The following RPRD1A variants were observed in gnomAD, a reference collection of about 807,000 sequenced individuals.
RPRD1A encodes regulation of nuclear pre-mRNA domain containing 1A.
Under a neutral mutation model 37.8 loss-of-function variants are expected in RPRD1A, and 9 were observed. That is an observed-to-expected ratio of 0.24 (90% confidence interval 0.14 to 0.42). RPRD1A has a LOEUF of 0.42. Among genes scored for constraint, RPRD1A ranks in the 10% least tolerant of loss-of-function variants. RPRD1A has a pLI of 1.00. For synonymous variants in RPRD1A, 138 were observed against 139.7 expected, an observed-to-expected ratio of 0.99 and a Z score of 0.08; for missense variants, 255 against 371.0, an observed-to-expected ratio of 0.69 and a Z score of 2.57.
chr18:36,007,247 C>G (rs1029337578), intron 6 of RPRD1A, among the ~76,000 whole-genome samples: 1 of 152,130 alleles, frequency 6.6e-6, no homozygotes, highest in Admixed American at 6.6e-5. Flanking sequence ...AAAATTCAGG[C>G]TTTCACATAT....
At chr18:36,048,782 C>T (rs979335303) in intron 1 of RPRD1A, among the ~76,000 whole-genome samples, 1 of 151,668 alleles carries the variant, frequency 6.6e-6, no homozygotes, top group East Asian at 1.9e-4. Context: ...CTAGCAAGTA[C>T]AATAGGGCAA....
Position 35,993,168 on chromosome 18 carries a change from T to G in RPRD1A, c.922A>C (p.Ile308Leu). The change falls in exon 7 of 7, where the codon ATC becomes CTC. Residue 308 changes from isoleucine to leucine, a missense_variant. Physicochemically the swap from Ile to Leu is conservative, Grantham distance 5. Around this residue, in one of 2 missense-constraint regions of RPRD1A, gnomAD observed 211 missense variants for 268.9 expected, o/e 0.78. Transcript: ENST00000399022. ...SHMHLPFAGD[I>L]YSED is the part of the protein sequence containing the mutation. ...CTGGTCCATCAATCTTCACTGTAGA[T>G]GTCTCCCGCAAAGGGCAGGTGCATG... 2 of 1,614,100 alleles carry G rather than the reference T, an allele frequency of 1.2e-6. No individual in the cohort carries two copies. The highest frequency in any genetic ancestry group is 1.7e-6 in the Non-Finnish European group (2 of 1,180,002).
intron 1 of RPRD1A, among the ~76,000 whole-genome samples, chr18:36,055,660 T>C (rs1181890762): frequency 6.7e-6 from 1 of 149,048 alleles, no homozygotes; most frequent in Non-Finnish European, 1.5e-5. Context: ...TCCAGAAATA[T>C]CAAAAAATTT....
intron 6 of RPRD1A, among the ~76,000 whole-genome samples, chr18:36,020,674 T>TA (rs1173963845): frequency 3.3e-5 from 5 of 151,774 alleles, no homozygotes. Flanking sequence ...TGCAAAAAAA[T>TA]AAAAAATTGG....
Position 36,020,436 on chromosome 18 carries a change from A to G in RPRD1A, c.789+6464T>C, listed in dbSNP as rs936882632. 3.3e-5 allele frequency among the ~76,000 whole-genome samples: 5 copies of G among 152,236 alleles called. No individual in the cohort carries two copies. In the South Asian group the frequency reaches 1.0e-3, roughly 32 times the overall value. ...GGAGAAAATGAATGGCCTTGGACAG[A>G]AGGCTTATAGATAATATTCAGAAAT... On this transcript the variant is annotated intron_variant, in intron 6 of 6. Transcript: ENST00000399022.
chr18:36,044,178 T>C (rs952626645), intron 1 of RPRD1A, among the ~76,000 whole-genome samples: 1 of 151,984 alleles, frequency 6.6e-6, no homozygotes, highest in Non-Finnish European at 1.5e-5. Context: ...GGTCTTGCTG[T>C]CTCAGGAGTG....
chr18:36,042,414 G>A (rs1912644539), intron 1 of RPRD1A, among the ~76,000 whole-genome samples: 1 of 152,136 alleles, frequency 6.6e-6, no homozygotes, highest in African/African-American at 2.4e-5. Context: ...AATACATTTT[G>A]GCCTAGACCT....
rs951364322 is a variant in RPRD1A at position 35,991,846 on chromosome 18, T to C, written c.*1305A>G. The C allele has an allele frequency of 2.0e-5, 3 of 152,242 alleles. No homozygotes were observed. Among genetic ancestry groups the C allele is most frequent in the Admixed American group, 6.5e-5 (1 of 15,292 alleles). The allele number at this position is 152,242 out of a possible 1,614,324, so 9.4% of individuals were successfully genotyped here. A position where few individuals can be genotyped will look rare whatever the true frequency, so the allele number is the denominator to read the frequency against. On this transcript the variant is annotated 3_prime_UTR_variant, in exon 7 of 7. Coordinates refer to ENST00000399022, the MANE Select transcript of RPRD1A (RefSeq NM_018170.5). The stretch of plus-strand genomic sequence containing the variant: ...AGCCATTCAGACTAGAGAGACATAA[T>C]TGGCTTGTGGGATTTTCAAGATGTT...
At chr18:36,043,875 C>A (rs1013129225) in intron 1 of RPRD1A, among the ~76,000 whole-genome samples, 2 of 152,094 alleles carry the variant, frequency 1.3e-5, no homozygotes, top group Non-Finnish European at 1.5e-5. Context: ...GGGTCCAACG[C>A]CCTGTGCAGT....
chr18:36,031,039 T>G lies in RPRD1A; in HGVS notation c.340A>C (p.Arg114=). The change falls in exon 3 of 7, where the codon AGG becomes CGG. Residue 114 remains arginine, a synonymous_variant. Coordinates refer to ENST00000399022, the MANE Select transcript of RPRD1A (RefSeq NM_018170.5). The part of the protein sequence containing the change: ...LGRVLSIWEE[R]SVYENDVLEQ... ...AATACATCATTTTCATAAACAGACC[T>G]TTCTTCCCAAATAGATAACACTCTT... is the stretch of plus-strand genomic sequence containing the variant. The G allele has an allele frequency of 6.3e-7, 1 of 1,596,702 alleles. No individual in the cohort carries two copies. Among genetic ancestry groups the G allele is most frequent in the Non-Finnish European group, 8.5e-7 (1 of 1,175,766 alleles).
chr18:36,008,577 G>GTGTGTATATGTATA, intron 6 of RPRD1A, among the ~76,000 whole-genome samples: 2 of 47,802 alleles, frequency 4.2e-5, no homozygotes, highest in Admixed American at 2.8e-4. Flanking sequence ...CCTTGTGTGT[G>GTGTGTATATGTATA]TATATATATA....
intron 6 of RPRD1A, among the ~76,000 whole-genome samples, chr18:36,007,821 C>T (rs942222195): frequency 2.0e-5 from 3 of 151,992 alleles, no homozygotes; most frequent in Non-Finnish European, 2.9e-5. Flanking sequence ...ACCTGTAGTC[C>T]CAGCTACTCG....
At position 36,067,422 on chromosome 18, in the gene RPRD1A, C is replaced by T; in HGVS notation, c.-18G>A. 1 of 1,598,072 alleles carries T rather than the reference C, an allele frequency of 6.3e-7. No homozygotes were observed. Among genetic ancestry groups the T allele is most frequent in the Non-Finnish European group, 8.5e-7 (1 of 1,172,126 alleles). ...GCTGACATCCCTCCGACACCACGTT[C>T]ACGCCGTCCCACGCGGTGGGGCCGA... is the stretch of plus-strand genomic sequence containing the variant. On this transcript the variant is annotated 5_prime_UTR_variant, in exon 1 of 7. Coordinates refer to ENST00000399022, the MANE Select transcript of RPRD1A (RefSeq NM_018170.5).
chr18:36,031,937 T>C (rs1911822452), intron 2 of RPRD1A, among the ~76,000 whole-genome samples: 1 of 152,230 alleles, frequency 6.6e-6, no homozygotes, highest in Admixed American at 6.5e-5. Flanking sequence ...CCTAGTACCA[T>C]ACAAATCTCC....
intron 6 of RPRD1A, among the ~76,000 whole-genome samples, chr18:36,018,566 C>T (rs909548429): frequency 2.0e-5 from 3 of 152,202 alleles, no homozygotes; most frequent in African/African-American, 7.2e-5. Context: ...AGCCACCGCT[C>T]CCAGCCCCAA....
intron 2 of RPRD1A, among the ~76,000 whole-genome samples, chr18:36,032,141 A>T (rs1441656555): frequency 6.6e-6 from 1 of 152,124 alleles, no homozygotes; most frequent in Non-Finnish European, 1.5e-5. Context: ...CATACTATCT[A>T]GTTCCTTCCC....
intron 4 of RPRD1A, 93 bp downstream of exon 4, chr18:36,030,715 A>G (rs1911716899): frequency 1.4e-6 from 1 of 723,280 alleles, no homozygotes; most frequent in African/African-American, 1.8e-5. Context: ...AGTATAATAG[A>G]AATCAATTTA....
chr18:36,012,877 A>T (rs1910266850), intron 6 of RPRD1A, among the ~76,000 whole-genome samples: 1 of 152,248 alleles, frequency 6.6e-6, no homozygotes, highest in African/African-American at 2.4e-5. Flanking sequence ...TTTTGCATTT[A>T]CATTATATAG....
chr18:36,008,451 C>T (rs1204318640), intron 6 of RPRD1A, among the ~76,000 whole-genome samples: 1 of 150,982 alleles, frequency 6.6e-6, no homozygotes, highest in Non-Finnish European at 1.5e-5. Context: ...TAGCATGCAT[C>T]TGTAGTCCCA....
Sources: gnomAD v4.1 joint callset for allele counts (sites outside exome capture counted in the v4.1 genomes callset) on GRCh38, gnomAD v4.1.1 for gene constraint, gnomAD v4.1.1 regional missense constraint, MANE v1.5 for transcripts, NCBI Gene and HGNC (gene_info 2026-07-23, HGNC 2026-07-21) for gene names.